The following KSR2 variants were observed in gnomAD, a reference collection of about 807,000 sequenced individuals.
The protein encoded by KSR2 is kinase suppressor of ras 2.
KSR2 carries 25 observed loss-of-function variants against 107.8 expected under a neutral mutation model. That is an observed-to-expected ratio of 0.23 (90% CI 0.17 to 0.32). The LOEUF (loss-of-function observed/expected upper bound fraction) is 0.32. Among genes scored for constraint, KSR2 ranks in the 10% least tolerant of loss-of-function variants. The pLI, the probability that KSR2 is intolerant of heterozygous loss-of-function variation, is 1.00. For missense variants in KSR2, 887 were observed against 1,268.9 expected, an observed-to-expected ratio of 0.70 and a Z score of 4.57; for synonymous variants, 480 against 507.0, an observed-to-expected ratio of 0.95 and a Z score of 0.71.
At chr12:117,794,254 C>A (rs1890486415) in intron 3 of KSR2, among the ~76,000 whole-genome samples, 1 of 97,844 alleles carries the variant, frequency 1.0e-5, no homozygotes, top group Non-Finnish European at 1.9e-5. Flanking sequence ...CCAACATGCA[C>A]ACATACACCA....
intron 1 of KSR2, among the ~76,000 whole-genome samples, chr12:117,893,436 T>C (rs1360020793): frequency 1.3e-5 from 2 of 152,212 alleles, no homozygotes; most frequent in Admixed American, 6.5e-5. Context: ...CTTTGTACTT[T>C]GCAGCGTAGG....
intron 5 of KSR2, among the ~76,000 whole-genome samples, chr12:117,650,788 T>C (rs1883872904): frequency 1.3e-5 from 2 of 152,114 alleles, no homozygotes; most frequent in Non-Finnish European, 2.9e-5. Context: ...GAAATAAAAT[T>C]ATGAAAGAAA....
rs773216968 is a variant in KSR2 at position 117,860,384 on chromosome 12, C to G, written c.228G>C (p.Lys76Asn). 2.5e-5 allele frequency: 40 copies of G among 1,613,074 alleles called. No homozygotes were observed. The South Asian group carries it at 4.3e-4, about 17-fold the overall frequency. The change falls in exon 2 of 20, where the codon AAG becomes AAC. Residue 76 changes from lysine to asparagine, a missense_variant. Physicochemically the swap from Lys to Asn is moderately conservative, Grantham distance 94 (BLOSUM62 0). Around this residue, in one of 8 missense-constraint regions of KSR2, gnomAD observed 399 missense variants for 479.5 expected, o/e 0.83. Transcript: ENST00000339824. Reference protein sequence around the residue: ...YFSRQLSCKKKVALQERNAEL... With the variant: ...YFSRQLSCKKNVALQERNAEL... ...CCGCGTTGCGCTCCTGCAAGGCTAC[C>G]TTCTTTTTGCAGGACAGCTGCCGGC...
At chr12:117,809,045 C>G (rs1397619210) in intron 3 of KSR2, among the ~76,000 whole-genome samples, 3 of 152,146 alleles carry the variant, frequency 2.0e-5, no homozygotes, top group Non-Finnish European at 2.9e-5. Context: ...CCTGAATGAC[C>G]ATGTGGAGCA....
chr12:117,777,085 ATT>A (rs1279734824), intron 3 of KSR2, among the ~76,000 whole-genome samples: 60 of 94,488 alleles, frequency 6.4e-4, no homozygotes, highest in Middle Eastern at 5.7e-3. Flanking sequence ...TAATATATAT[ATT>A]TTATATATAT....
chr12:117,849,002 T>A (rs1892820674), intron 3 of KSR2, among the ~76,000 whole-genome samples: 1 of 152,146 alleles, frequency 6.6e-6, no homozygotes, highest in Non-Finnish European at 1.5e-5. Context: ...CACAGAATCA[T>A]AATATGTCGT....
chr12:117,785,701 C>T (rs1289802087), intron 3 of KSR2, among the ~76,000 whole-genome samples: 1 of 151,734 alleles, frequency 6.6e-6, no homozygotes, highest in Non-Finnish European at 1.5e-5. Flanking sequence ...ACGGAGATGA[C>T]AAAGGAAAGA....
chr12:117,541,450 T>C (rs1312123288), intron 9 of KSR2, among the ~76,000 whole-genome samples: 2 of 152,220 alleles, frequency 1.3e-5, no homozygotes, highest in Admixed American at 1.3e-4. Flanking sequence ...TGGGACTTTT[T>C]GCTTTCACCA....
At chr12:117,948,390 T>G (rs1191227233) in intron 1 of KSR2, among the ~76,000 whole-genome samples, 2 of 151,654 alleles carry the variant, frequency 1.3e-5, no homozygotes, top group African/African-American at 2.4e-5. Context: ...CTCGGGAGGC[T>G]GAGGCAGGAG....
intron 1 of KSR2, among the ~76,000 whole-genome samples, chr12:117,941,613 C>CTTTTTTTTTTCTT (rs1896009511): frequency 1.9e-5 from 1 of 52,926 alleles, no homozygotes; most frequent in Admixed American, 3.4e-4. Context: ...ACAGGCTTTC[C>CTTTTTTTTTTCTT]TTTTTTTTTT....
intron 4 of KSR2, among the ~76,000 whole-genome samples, chr12:117,673,185 C>G (rs11068615): frequency 0.35 from 53,471 of 151,756 alleles, 9,552 homozygotes; most frequent in East Asian, 0.45. Context: ...AGGGGTATAT[C>G]TAAATAAGGG....
At chr12:117,926,852 G>C (rs1895534260) in intron 1 of KSR2, among the ~76,000 whole-genome samples, 1 of 152,180 alleles carries the variant, frequency 6.6e-6, no homozygotes, top group Admixed American at 6.5e-5. Flanking sequence ...CTAAAATCTT[G>C]CTTCCAACAA....
chr12:117,663,345 G>T (rs1185664579), intron 5 of KSR2, among the ~76,000 whole-genome samples: 1 of 152,152 alleles, frequency 6.6e-6, no homozygotes, highest in East Asian at 1.9e-4. Flanking sequence ...TGTAAAATGG[G>T]AATAATAGTA....
At chr12:117,737,518 C>T (rs183504799) in intron 4 of KSR2, among the ~76,000 whole-genome samples, 6 of 152,164 alleles carry the variant, frequency 3.9e-5, no homozygotes, top group Admixed American at 2.6e-4. Flanking sequence ...TGCGGTGGCT[C>T]GTGCCTGTAA....
chr12:117,864,948 A>G (rs1893422934), intron 1 of KSR2, among the ~76,000 whole-genome samples: 1 of 152,108 alleles, frequency 6.6e-6, no homozygotes, highest in African/African-American at 2.4e-5. Context: ...GGACGTTTGA[A>G]AGACACCAAA....
intron 10 of KSR2, among the ~76,000 whole-genome samples, chr12:117,535,279 T>C (rs1875961194): frequency 6.6e-6 from 1 of 152,226 alleles, no homozygotes; most frequent in Non-Finnish European, 1.5e-5. Flanking sequence ...AACAAACATG[T>C]AATGAGTGCC....
chr12:117,726,904 C>A (rs1367744101), intron 4 of KSR2, among the ~76,000 whole-genome samples: 1 of 152,134 alleles, frequency 6.6e-6, no homozygotes, highest in Non-Finnish European at 1.5e-5. Flanking sequence ...ATAACCTCAA[C>A]CTGGAAGCAC....
Position 117,948,212 on chromosome 12 carries a change from G to A in KSR2, c.180+19864C>T, listed in dbSNP as rs186381842. On this transcript the variant is annotated intron_variant, in intron 1 of 19. Coordinates refer to ENST00000339824, the MANE Select transcript of KSR2 (RefSeq NM_173598.6). ...GCCTGTAATCCCAGTACTTTGGGAGGCTGATGCAGGTGGATCACCTGAGGT... is the reference window on the plus strand; with the variant it reads ...GCCTGTAATCCCAGTACTTTGGGAGACTGATGCAGGTGGATCACCTGAGGT... Among the ~76,000 whole-genome samples, 22 of 152,276 alleles carry A rather than the reference G, an allele frequency of 1.4e-4. No individual in the cohort carries two copies. In the East Asian group the frequency reaches 4.1e-3, roughly 28 times the overall value.
intron 4 of KSR2, among the ~76,000 whole-genome samples, chr12:117,726,248 G>A (rs1012991179): frequency 1.4e-4 from 22 of 152,110 alleles, no homozygotes; most frequent in African/African-American, 5.3e-4. Flanking sequence ...GATTTAAATA[G>A]ATAATTCACA....
Sources: gnomAD v4.1 joint callset for allele counts (sites outside exome capture counted in the v4.1 genomes callset) on GRCh38, gnomAD v4.1.1 for gene constraint, gnomAD v4.1.1 regional missense constraint, MANE v1.5 for transcripts, NCBI Gene and HGNC (gene_info 2026-07-23, HGNC 2026-07-21) for gene names.